Variants in NFAT5 observed in about 807,000 individuals in gnomAD.
NFAT5 encodes nuclear factor of activated T-cells 5.
In NFAT5, 31 loss-of-function variants were observed where a neutral mutation model predicts 166.5. The observed-to-expected ratio is 0.19, with a 90% confidence interval of 0.14 to 0.25. The LOEUF (loss-of-function observed/expected upper bound fraction) is 0.25, where lower values mean the gene tolerates loss of function less well. NFAT5 is among the 10% of genes least tolerant of loss of function. The pLI is 1.00. For missense variants in NFAT5, 1,449 were observed against 1,821.8 expected (o/e 0.80, Z 3.72); for synonymous variants, 612 against 639.7 (o/e 0.96, Z 0.65).
At chr16:69,638,772 G>C (rs1437136) in intron 3 of NFAT5, among the ~76,000 whole-genome samples, 33,049 of 150,226 alleles carry the variant, frequency 0.22, 3,932 homozygotes, top group East Asian at 0.45. Flanking sequence ...CATTGAAGTA[G>C]AATTGGCAGG....
At chr16:69,680,659 G>A (rs2151693457) in intron 10 of NFAT5, among the ~76,000 whole-genome samples, 1 of 152,218 alleles carries the variant, frequency 6.6e-6, no homozygotes, top group East Asian at 1.9e-4. Flanking sequence ...TAAATATAAG[G>A]TATGCAAACT....
At chr16:69,660,275 T>C (rs1296945861) in intron 7 of NFAT5, among the ~76,000 whole-genome samples, 3 of 151,860 alleles carry the variant, frequency 2.0e-5, no homozygotes, top group Admixed American at 2.0e-4. Context: ...AAAAAATATA[T>C]ATAATAAGTT....
chr16:69,602,889 G>A (rs1054146487), intron 2 of NFAT5, among the ~76,000 whole-genome samples: 1 of 151,966 alleles, frequency 6.6e-6, no homozygotes, highest in Non-Finnish European at 1.5e-5. Flanking sequence ...GGGATTACAG[G>A]CATGCACCAC....
chr16:69,626,613 TAA>T (rs2034472221), intron 3 of NFAT5, 85 bp downstream of exon 3: 1 of 1,179,518 alleles, frequency 8.5e-7, no homozygotes, highest in African/African-American at 1.6e-5. Context: ...AAATTCATAC[TAA>T]AAAGAGTGTG....
At chr16:69,659,929 A>G (rs1597489176) in intron 7 of NFAT5, 30 bp downstream of exon 7, 2 of 1,501,544 alleles carry the variant, frequency 1.3e-6, no homozygotes, top group South Asian at 1.3e-5. Context: ...GATACTAAAC[A>G]TATGGAGTTT....
At chr16:69,568,757 A>T (rs1311624083) in intron 2 of NFAT5, among the ~76,000 whole-genome samples, 1 of 152,070 alleles carries the variant, frequency 6.6e-6, no homozygotes, top group African/African-American at 2.4e-5. Flanking sequence ...ATCTGCTTTG[A>T]GAAACATTGA....
At chr16:69,575,183 A>G (rs1427377262) in intron 2 of NFAT5, among the ~76,000 whole-genome samples, 3 of 151,994 alleles carry the variant, frequency 2.0e-5, no homozygotes, top group African/African-American at 7.3e-5. Flanking sequence ...TTATTTATTT[A>G]TTTAGAGACG....
chr16:69,689,752 C>T (rs763151466), intron 11 of NFAT5, among the ~76,000 whole-genome samples: 10 of 152,140 alleles, frequency 6.6e-5, no homozygotes, highest in African/African-American at 9.7e-5. Flanking sequence ...ACCATGTTGG[C>T]CAGGCTGGTC....
intron 10 of NFAT5, among the ~76,000 whole-genome samples, chr16:69,680,570 A>G (rs2151693284): frequency 6.6e-6 from 1 of 152,218 alleles, no homozygotes. Context: ...TCATTACTGT[A>G]TGTTTGCTCT....
At chr16:69,586,577 A>T (rs922506275) in intron 2 of NFAT5, among the ~76,000 whole-genome samples, 10 of 152,036 alleles carry the variant, frequency 6.6e-5, no homozygotes, top group African/African-American at 2.4e-4. Flanking sequence ...TAATTTTTGT[A>T]GTTTTAGTAG....
chr16:69,613,092 A>G (rs898656923), intron 2 of NFAT5, among the ~76,000 whole-genome samples: 4 of 151,798 alleles, frequency 2.6e-5, no homozygotes, highest in Non-Finnish European at 5.9e-5. Flanking sequence ...CTTTTTATCA[A>G]TTTTCCCAAG....
At chr16:69,640,758 G>T (rs991527886) in intron 3 of NFAT5, among the ~76,000 whole-genome samples, 1 of 151,686 alleles carries the variant, frequency 6.6e-6, no homozygotes. Context: ...GAGGCAGGCG[G>T]ATCAGCTGAG....
intron 2 of NFAT5, among the ~76,000 whole-genome samples, chr16:69,606,329 C>T (rs758567240): frequency 3.9e-5 from 6 of 152,044 alleles, no homozygotes; most frequent in Admixed American, 1.3e-4. Flanking sequence ...ATTGGCTGAA[C>T]GGTACTTTAG....
At chr16:69,678,253 C>T (rs1358847555) in intron 10 of NFAT5, among the ~76,000 whole-genome samples, 8 of 150,734 alleles carry the variant, frequency 5.3e-5, no homozygotes, top group African/African-American at 9.8e-5. Context: ...CTCGCTGTGT[C>T]GCCCAGGCTG....
At chr16:69,672,579 A>G (rs1482139959) in intron 9 of NFAT5, among the ~76,000 whole-genome samples, 1 of 152,252 alleles carries the variant, frequency 6.6e-6, no homozygotes, top group Non-Finnish European at 1.5e-5. Flanking sequence ...CTTAATAGAT[A>G]CACAAGAAAA....
chr16:69,666,792 T>C (rs1427125832), intron 7 of NFAT5, among the ~76,000 whole-genome samples: 1 of 151,814 alleles, frequency 6.6e-6, no homozygotes, highest in Non-Finnish European at 1.5e-5. Context: ...GAACTAGAAA[T>C]ACCATTTGAC....
chr16:69,638,799 A>C (rs1005730717), intron 3 of NFAT5, among the ~76,000 whole-genome samples: 2 of 150,846 alleles, frequency 1.3e-5, no homozygotes, highest in African/African-American at 4.9e-5. Context: ...TTTATTTTTT[A>C]ATCTAAAATA....
At chr16:69,649,543 C>A (rs2035582826) in intron 4 of NFAT5, 1 of 983,642 alleles carries the variant, frequency 1.0e-6, no homozygotes, top group South Asian at 4.7e-5. Flanking sequence ...TTCCATCAAG[C>A]AGAAGAAATG....
chr16:69,622,579 G>A (rs1341591019), intron 2 of NFAT5, among the ~76,000 whole-genome samples: 1 of 152,064 alleles, frequency 6.6e-6, no homozygotes, highest in African/African-American at 2.4e-5. Flanking sequence ...TAGTGGAGAG[G>A]TATGATACCT....
Sources: gnomAD v4.1 joint callset for allele counts (sites outside exome capture counted in the v4.1 genomes callset) on GRCh38, gnomAD v4.1.1 for gene constraint, MANE v1.5 for transcripts, NCBI Gene and HGNC (gene_info 2026-07-23, HGNC 2026-07-21) for gene names.